Variants in GVQW3 observed in about 807,000 individuals in gnomAD.
GVQW3 encodes protein GVQW3.
GVQW3 carries 7 observed loss-of-function variants against 12.5 expected under a neutral mutation model. The ratio of observed to expected loss-of-function variants is 0.56; its 90% CI spans 0.32 to 1.05. GVQW3 has a LOEUF of 1.05. GVQW3 is among the 50% of genes least tolerant of loss of function. The pLI, the probability that GVQW3 is intolerant of heterozygous loss-of-function variation, is 0.04. For missense variants in GVQW3, 188 were observed against 190.8 expected (o/e 0.99, Z 0.09); for synonymous variants, 71 against 67.2 (o/e 1.06, Z -0.28).
rs1946781396 is a variant in GVQW3, at chr11:76,382,240, C to T, written c.412C>T (p.Arg138Trp). ...GEPKPRKLDF[R>W]SDLSKETRKN... ...GCCTAAACCACGAAAACTTGACTTT[C>T]GGTCCGATCTTTCAAAGGAAACTAG... The change falls in exon 1 of 2, where the codon CGG becomes TGG. Residue 138 changes from arginine (R) to tryptophan (W), a missense_variant. Physicochemically the swap from Arg to Trp is moderately radical, Grantham distance 101. Transcript: ENST00000529331. The T allele has an allele frequency of 3.9e-6, 6 of 1,535,742 alleles. No homozygotes were observed. Among genetic ancestry groups the T allele is most frequent in the Non-Finnish European group, 4.4e-6 (5 of 1,146,806 alleles).
chr11:76,381,357 G>A lies in GVQW3; in HGVS notation c.-472G>A, dbSNP rs1283716907. ...TGTCTCCCGGGACGCTAGAGCAGGCGGTTCCTGGGCTGCTCCGGTAGGTTT... is the reference window on the plus strand; with the variant it reads ...TGTCTCCCGGGACGCTAGAGCAGGCAGTTCCTGGGCTGCTCCGGTAGGTTT... On this transcript the variant is annotated 5_prime_UTR_variant, in exon 1 of 2. Coordinates refer to ENST00000529331, the MANE Select transcript of GVQW3 (RefSeq NM_001347885.2). The A allele has an allele frequency of 1.3e-5, 2 of 153,996 alleles. No homozygotes were observed. The highest frequency in any genetic ancestry group is 4.8e-5 in the African/African-American group (2 of 41,528). 9.5% of individuals were successfully genotyped at this position (153,996 alleles called of 1,614,324 possible). A position where few individuals can be genotyped will look rare whatever the true frequency, so the allele number is the denominator to read the frequency against.
chr11:76,402,637 A>G (rs879684926), intron 1 of GVQW3, among the ~76,000 whole-genome samples: 9 of 152,170 alleles, frequency 5.9e-5, no homozygotes, highest in Non-Finnish European at 7.3e-5. Flanking sequence ...ACCCATCTTC[A>G]TTAGTGTAGC....
intron 1 of GVQW3, among the ~76,000 whole-genome samples, chr11:76,389,071 C>T (rs1175621379): frequency 6.6e-6 from 1 of 152,156 alleles, no homozygotes; most frequent in Non-Finnish European, 1.5e-5. Context: ...TAAAGTCCAA[C>T]AGTAGAAAAT....
downstream of GVQW3, chr11:76,408,697 T>G (rs943674365): frequency 2.6e-5 from 4 of 152,190 alleles, no homozygotes; most frequent in African/African-American, 9.7e-5. Context: ...CCCTGAGATT[T>G]GGGGCCATCT....
intron 1 of GVQW3, among the ~76,000 whole-genome samples, chr11:76,387,158 G>T (rs545683934): frequency 2.6e-5 from 4 of 152,072 alleles, no homozygotes; most frequent in African/African-American, 9.6e-5. Flanking sequence ...AAAAGAGGCC[G>T]GGCACGGTGG....
At chr11:76,389,765 C>G (rs1463755069) in intron 1 of GVQW3, 1 of 152,100 alleles carries the variant, frequency 6.6e-6, no homozygotes, top group Non-Finnish European at 1.5e-5. Flanking sequence ...CTGAAGAATC[C>G]CTGAGACTTT....
chr11:76,404,028 C>T lies in GVQW3; in HGVS notation c.*270C>T. On this transcript the variant is annotated 3_prime_UTR_variant, in exon 2 of 2. Transcript: ENST00000529331. ...TCTCTTCCGGAAACATCCCCACAGA[C>T]ACACCCAGAAATAATGTTTTCCCAT... 1.7e-6 allele frequency: 1 copy of T among 602,628 alleles called. No individual in the cohort carries two copies. Among genetic ancestry groups the T allele is most frequent in the Non-Finnish European group, 3.1e-6 (1 of 324,664 alleles). 37.3% of individuals were successfully genotyped at this position (602,628 alleles called of 1,614,324 possible).
At chr11:76,393,912 ATTT>A (rs2134550179) in intron 1 of GVQW3, among the ~76,000 whole-genome samples, 1 of 144,252 alleles carries the variant, frequency 6.9e-6, no homozygotes, top group African/African-American at 2.7e-5. Context: ...TATTATTATT[ATTT>A]TTGAGAGGAG....
chr11:76,395,633 G>A (rs1946932075), intron 1 of GVQW3, among the ~76,000 whole-genome samples: 1 of 152,120 alleles, frequency 6.6e-6, no homozygotes, highest in Non-Finnish European at 1.5e-5. Context: ...CCTTTTATTG[G>A]AGAATGGTGT....
At chr11:76,413,151 T>G (rs1326213887) in exon 2 of GVQW3, 2 of 152,266 alleles carry the variant, frequency 1.3e-5, no homozygotes, top group East Asian at 3.8e-4. Flanking sequence ...TGCCCTTTCC[T>G]GCTGTTGTCC....
chr11:76,407,014 TAAATAAAATA>T lies in GVQW3; in HGVS notation c.*3269_*3278del, dbSNP rs530688943. On this transcript the variant is annotated 3_prime_UTR_variant, in exon 2 of 2. Transcript: ENST00000529331. The stretch of plus-strand genomic sequence containing the variant: ...CAGAGCGAGACTCTGTCTCAAAAAA[TAAATAAAATA>T]AAATAAAATAAATAAATAAATAAAT... 11 of 151,172 alleles carry T rather than the reference TAAATAAAATA, an allele frequency of 7.3e-5. No homozygotes were observed. The highest frequency in any genetic ancestry group is 2.7e-4 in the African/African-American group (11 of 41,094). The allele number at this position is 151,172 out of a possible 1,614,324, so 9.4% of individuals were successfully genotyped here.
chr11:76,384,511 C>G (rs1285861117), intron 1 of GVQW3, among the ~76,000 whole-genome samples: 2 of 152,078 alleles, frequency 1.3e-5, no homozygotes, highest in East Asian at 1.9e-4. Context: ...TTAGTAGAGG[C>G]GGGGTTTCAC....
rs1946776063 is a variant in GVQW3 at position 76,382,011 on chromosome 11, C to T, written c.183C>T (p.Ala61=). ...GACGGGAAGATGTTCGAGATGATGC[C>T]CGAAGTGGGCGTCCAGTCACCCACC... ...KEGREDVRDD[A]RSGRPVTHRT... The change falls in exon 1 of 2, where the codon GCC becomes GCT. Residue 61 remains alanine (A), a synonymous_variant. Transcript: ENST00000529331. 2.6e-6 allele frequency: 4 copies of T among 1,536,250 alleles called. No homozygotes were observed. The Admixed American group carries it at 7.8e-5, about 30-fold the overall frequency.
chr11:76,405,897 A>G lies in GVQW3; in HGVS notation c.*2139A>G, dbSNP rs1022965847. The G allele has an allele frequency of 6.6e-6, 1 of 152,300 alleles. No homozygotes were observed. Among genetic ancestry groups the G allele is most frequent in the African/African-American group, 2.4e-5 (1 of 41,440 alleles). 9.4% of individuals were successfully genotyped at this position (152,300 alleles called of 1,614,324 possible). ...GGCTGGTCTTGAACTCCTGGGCTCC[A>G]GTGATCCTCCCCCTTCAGCCTCCCA... is the stretch of plus-strand genomic sequence containing the variant. On this transcript the variant is annotated 3_prime_UTR_variant, in exon 2 of 2. Transcript: ENST00000529331.
At chr11:76,388,761 G>T (rs1271508307) in intron 1 of GVQW3, among the ~76,000 whole-genome samples, 1 of 152,016 alleles carries the variant, frequency 6.6e-6, no homozygotes, top group Non-Finnish European at 1.5e-5. Context: ...CTGGAAATAG[G>T]TATGACTGTT....
chr11:76,401,663 C>T (rs959149475), intron 1 of GVQW3, among the ~76,000 whole-genome samples: 1 of 151,166 alleles, frequency 6.6e-6, no homozygotes, highest in Non-Finnish European at 1.5e-5. Flanking sequence ...ATCCCAGCTG[C>T]TCATGAGGCT....
In GVQW3 at chr11:76,381,671, G is replaced by A; in HGVS notation, c.-158G>A. On this transcript the variant is annotated 5_prime_UTR_variant, in exon 1 of 2. Coordinates refer to ENST00000529331, the MANE Select transcript of GVQW3 (RefSeq NM_001347885.2). ...CCCCAGCCTCGACTGGAAGCTGAGG[G>A]ACAAAAATTCATAAAAGCAATTACT... is the stretch of plus-strand genomic sequence containing the variant. 2.9e-6 allele frequency: 2 copies of A among 688,036 alleles called. No individual in the cohort carries two copies. The highest frequency in any genetic ancestry group is 4.6e-6 in the Non-Finnish European group (2 of 432,612). 42.6% of individuals were successfully genotyped at this position (688,036 alleles called of 1,614,324 possible). A position where few individuals can be genotyped will look rare whatever the true frequency, so the allele number is the denominator to read the frequency against.
intron 1 of GVQW3, among the ~76,000 whole-genome samples, chr11:76,391,629 C>T (rs1263761462): frequency 6.6e-6 from 1 of 152,136 alleles, no homozygotes; most frequent in African/African-American, 2.4e-5. Flanking sequence ...GTCATCAGAC[C>T]CATCTCCTTG....
chr11:76,401,773 C>CAAAA (rs5792720), intron 1 of GVQW3, among the ~76,000 whole-genome samples: 9 of 88,780 alleles, frequency 1.0e-4, no homozygotes, highest in African/African-American at 1.7e-4. Context: ...AACTCTGTCT[C>CAAAA]AAAAAAAAAA....
Sources: gnomAD v4.1 joint callset for allele counts (sites outside exome capture counted in the v4.1 genomes callset) on GRCh38, gnomAD v4.1.1 for gene constraint, MANE v1.5 for transcripts, NCBI Gene and HGNC (gene_info 2026-07-23, HGNC 2026-07-21) for gene names.